The following CTNNA2 variants were observed in gnomAD, a reference collection of about 807,000 sequenced individuals.
The protein encoded by CTNNA2 is catenin alpha 2, also known as catenin alpha-2.
CTNNA2 carries 42 observed loss-of-function variants against 101.0 expected under a neutral mutation model. That is an observed-to-expected ratio of 0.42 (90% confidence interval 0.32 to 0.54). The LOEUF is 0.54. Among genes scored for constraint, CTNNA2 ranks in the 20% least tolerant of loss-of-function variants. The pLI is 0.14. For synonymous variants in CTNNA2, 450 were observed against 456.4 expected (o/e 0.99, Z 0.18); for missense variants, 871 against 1,223.1 (o/e 0.71, Z 4.29).
At chr2:80,183,150 C>G (rs1705889616) in intron 7 of CTNNA2, among the ~76,000 whole-genome samples, 1 of 152,078 alleles carries the variant, frequency 6.6e-6, no homozygotes, top group Non-Finnish European at 1.5e-5. Context: ...GTCAATAGAT[C>G]CCCCCAGACA....
At chr2:79,417,885 A>T (rs1349008165) in intron 4 of CTNNA2, among the ~76,000 whole-genome samples, 3 of 152,148 alleles carry the variant, frequency 2.0e-5, no homozygotes, top group Non-Finnish European at 4.4e-5. Flanking sequence ...TAATAAATTC[A>T]CAAAGGCCAT....
chr2:80,221,675 G>A (rs1309443493), intron 7 of CTNNA2, among the ~76,000 whole-genome samples: 1 of 152,170 alleles, frequency 6.6e-6, no homozygotes, highest in South Asian at 2.1e-4. Context: ...CATGGAAGAA[G>A]GGTGGAAATG....
chr2:80,202,987 C>T (rs140340205), intron 7 of CTNNA2, among the ~76,000 whole-genome samples: 181 of 152,284 alleles, frequency 1.2e-3, no homozygotes, highest in Admixed American at 2.2e-3. Context: ...ACATGGATGG[C>T]AGCAGACAAA....
chr2:79,195,851 T>C (rs765647584), intron 1 of CTNNA2: 2 of 512,088 alleles, frequency 3.9e-6, no homozygotes, highest in African/African-American at 1.9e-5. Flanking sequence ...ATGAAAGTTC[T>C]AGACCTTCAA....
intron 7 of CTNNA2, among the ~76,000 whole-genome samples, chr2:80,110,585 G>A (rs540658784): frequency 4.0e-4 from 61 of 152,258 alleles, no homozygotes; most frequent in African/African-American, 1.3e-3. Flanking sequence ...TTTGTTTATA[G>A]CCTGTAGAGT....
intron 7 of CTNNA2, among the ~76,000 whole-genome samples, chr2:80,339,662 C>T (rs1466945157): frequency 1.3e-5 from 2 of 152,122 alleles, no homozygotes; most frequent in Non-Finnish European, 2.9e-5. Flanking sequence ...TTTGGTGCTA[C>T]TGGAGACTCA....
chr2:79,409,976 T>C (rs978566039), intron 4 of CTNNA2, among the ~76,000 whole-genome samples: 2 of 151,746 alleles, frequency 1.3e-5, no homozygotes, highest in Admixed American at 6.6e-5. Flanking sequence ...TTTTATTTCA[T>C]TGAGCAGTGG....
At chr2:79,402,155 C>T (rs1323222340) in intron 4 of CTNNA2, among the ~76,000 whole-genome samples, 1 of 151,524 alleles carries the variant, frequency 6.6e-6, no homozygotes, top group African/African-American at 2.4e-5. Flanking sequence ...CCAAAAATGC[C>T]TTAAGGAAAA....
intron 7 of CTNNA2, among the ~76,000 whole-genome samples, chr2:79,968,325 T>G (rs187293081): frequency 1.8e-4 from 28 of 152,314 alleles, no homozygotes; most frequent in African/African-American, 6.0e-4. Flanking sequence ...GAGTAGCCAC[T>G]GTTTAGGGCA....
chr2:79,186,954 A>T (rs1488199593), intron 1 of CTNNA2, among the ~76,000 whole-genome samples: 1 of 152,194 alleles, frequency 6.6e-6, no homozygotes, highest in African/African-American at 2.4e-5. Context: ...GTTTTCCTGC[A>T]TTTCTACCTC....
intron 1 of CTNNA2, among the ~76,000 whole-genome samples, chr2:79,636,251 C>A (rs1287352573): frequency 4.7e-5 from 5 of 105,810 alleles, no homozygotes; most frequent in East Asian, 2.7e-4. Flanking sequence ...GCCTGGGCAA[C>A]AGAGTGAGAC....
At chr2:80,239,832 A>G (rs1709748894) in intron 7 of CTNNA2, among the ~76,000 whole-genome samples, 1 of 152,082 alleles carries the variant, frequency 6.6e-6, no homozygotes, top group Admixed American at 6.5e-5. Flanking sequence ...GAATCGTTTG[A>G]ACCTGGGAGG....
In CTNNA2 at chr2:79,671,166, T is replaced by C. The variant is rs537991236; in HGVS notation, c.102+19508T>C. Among the ~76,000 whole-genome samples the C allele has an allele frequency of 6.3e-4, 96 of 152,322 alleles. 3 individuals are homozygous for C. The South Asian group carries it at 0.02, about 32-fold the overall frequency. ...TGGATCCTTGGGGAAAGGATGTTGT[T>C]GCCTGGCTGATGACCTCTTCTTACA... On this transcript the variant is annotated intron_variant, in intron 2 of 18. Transcript: ENST00000402739.
At chr2:80,015,244 C>T (rs1694058010) in intron 7 of CTNNA2, among the ~76,000 whole-genome samples, 1 of 152,106 alleles carries the variant, frequency 6.6e-6, no homozygotes, top group African/African-American at 2.4e-5. Flanking sequence ...ACATAATATC[C>T]CTTTTCCCCC....
rs549451198 is a variant in CTNNA2, at chr2:80,292,906, C to CT, written c.1057-100297dup. Among the ~76,000 whole-genome samples, 90 of 152,058 alleles carry CT rather than the reference C, an allele frequency of 5.9e-4. No individual in the cohort carries two copies. The East Asian group carries it at 6.8e-3, about 11-fold the overall frequency. On this transcript the variant is annotated intron_variant, in intron 7 of 18. Transcript: ENST00000402739. ...TTTTCTTTCCTACAGCATGTTTGCTCTTTTTTTTGTACCTTTATGATTTTT... is the reference window on the plus strand; with the variant it reads ...TTTTCTTTCCTACAGCATGTTTGCTCTTTTTTTTTGTACCTTTATGATTTTT...
At chr2:79,217,137 A>G (rs62156567) in intron 2 of CTNNA2, among the ~76,000 whole-genome samples, 1 of 151,948 alleles carries the variant, frequency 6.6e-6, no homozygotes, top group African/African-American at 2.4e-5. Flanking sequence ...AGGTTGGAGA[A>G]GAGAGTAAGA....
chr2:80,051,394 T>G (rs893138160), intron 7 of CTNNA2, among the ~76,000 whole-genome samples: 2 of 152,178 alleles, frequency 1.3e-5, no homozygotes, highest in Admixed American at 1.3e-4. Context: ...TCTAAACACA[T>G]GTAGATTCAA....
rs371302299 is a variant in CTNNA2 at position 80,292,574 on chromosome 2, C to G, written c.1057-100637C>G. On this transcript the variant is annotated intron_variant, in intron 7 of 18. Transcript: ENST00000402739. The stretch of plus-strand genomic sequence containing the variant: ...TAGCAAGTAAAATATATGATTAACA[C>G]TCCTATAGGTGGAGGTCATGTTTCA... 2.6e-5 allele frequency among the ~76,000 whole-genome samples: 4 copies of G among 152,292 alleles called. No homozygotes were observed. In the East Asian group the frequency reaches 7.7e-4, roughly 29 times the overall value.
At chr2:79,203,873 C>T (rs1220665984) in intron 2 of CTNNA2, among the ~76,000 whole-genome samples, 1 of 152,176 alleles carries the variant, frequency 6.6e-6, no homozygotes, top group Non-Finnish European at 1.5e-5. Context: ...TTCCCTGTCT[C>T]ATCTGAATTG....
Sources: gnomAD v4.1 joint callset for allele counts (sites outside exome capture counted in the v4.1 genomes callset) on GRCh38, gnomAD v4.1.1 for gene constraint, MANE v1.5 for transcripts, NCBI Gene and HGNC (gene_info 2026-07-23, HGNC 2026-07-21) for gene names.